ZSCAN31: variants seen among roughly 807,000 people sequenced by gnomAD.
ZSCAN31 encodes the protein zinc finger and SCAN domain-containing protein 31.
In ZSCAN31, 14 loss-of-function variants were observed where a neutral mutation model predicts 22.5. That is an observed-to-expected ratio of 0.62 (90% CI 0.41 to 0.97). The LOEUF is 0.97. ZSCAN31 is among the 50% of genes least tolerant of loss of function. ZSCAN31 has a pLI of 0.00. For synonymous variants in ZSCAN31, 168 were observed against 169.8 expected (o/e 0.99, Z 0.08); for missense variants, 424 against 483.4 (o/e 0.88, Z 1.15).
chr6:28,326,462 C>A lies in ZSCAN31; in HGVS notation c.925G>T (p.Gly309Cys). 1 of 1,613,722 alleles carries A rather than the reference C, an allele frequency of 6.2e-7. No individual in the cohort carries two copies. The change falls in exon 4 of 4, where the codon GGC (glycine) becomes TGC (cysteine). Residue 309 changes from glycine to cysteine, a missense_variant. Transcript: ENST00000344279. The part of the protein sequence containing the change: ...ECGKAFSASN[G>C]LTRHRRIHTG... ...TGGATTCTTCTGTGTCGAGTGAGGC[C>A]ATTGCTGGCACTGAAGGCTTTCCCA...
upstream of ZSCAN31, among the ~76,000 whole-genome samples, chr6:28,339,410 C>G (rs1378743979): frequency 6.6e-6 from 1 of 152,118 alleles, no homozygotes; most frequent in Non-Finnish European, 1.5e-5. Context: ...GATTCTCATA[C>G]CTCGAGTATC....
intron 2 of ZSCAN31, among the ~76,000 whole-genome samples, chr6:28,352,668 T>C (rs1189018331): frequency 6.6e-6 from 1 of 152,230 alleles, no homozygotes; most frequent in African/African-American, 2.4e-5. Flanking sequence ...ACCTGTACAC[T>C]GGTATTTGGA....
At chr6:28,329,176 A>C in intron 2 of ZSCAN31, 127 bp downstream of exon 2, 1 of 1,172,674 alleles carries the variant, frequency 8.5e-7, no homozygotes, top group East Asian at 2.4e-5. Flanking sequence ...TTGGCCATTA[A>C]GGTTTAGGGG....
upstream of ZSCAN31, chr6:28,336,486 T>G (rs576207206): frequency 5.3e-5 from 8 of 152,368 alleles, no homozygotes; most frequent in African/African-American, 1.7e-4. Context: ...GAGTTCCAGT[T>G]AGGAATCTGG....
At position 28,329,659 on chromosome 6, in the gene ZSCAN31, C is replaced by T. The variant is rs760495522; in HGVS notation, c.25G>A (p.Asp9Asn). ...TCCTCCACTTTCACAATCTTAAGAT[C>T]GTACTGTTCCTCTGTTGAAGCCATT... MASTEEQY[D>N]LKIVKVEEDP... Residue 9 changes from aspartate to asparagine, a missense_variant, in exon 2 of 4, where the codon GAT becomes AAT. Coordinates refer to ENST00000344279, the MANE Select transcript of ZSCAN31 (RefSeq NM_030899.5). 8.4e-5 allele frequency: 135 copies of T among 1,613,292 alleles called. No homozygotes were observed. The highest frequency in any genetic ancestry group is 1.7e-4 in the Middle Eastern group (1 of 5,994).
At chr6:28,346,808 T>C (rs1385934345) in intron 2 of ZSCAN31, among the ~76,000 whole-genome samples, 1 of 152,160 alleles carries the variant, frequency 6.6e-6, no homozygotes, top group African/African-American at 2.4e-5. Flanking sequence ...GAATGGATAG[T>C]AGAGGAGAGA....
rs1214617723 is a variant in ZSCAN31, at chr6:28,351,626, TCTC to T, written c.-371+2233_-371+2235del. On this transcript the variant is annotated intron_variant, in intron 2 of 7. Transcript: ENST00000396838. The surrounding 1 kb of genome is among the most constrained non-coding windows in gnomAD (Gnocchi z 4.6). The stretch of plus-strand genomic sequence containing the variant: ...TCCTTTCCACTCTCTTTCCTTCCCT[TCTC>T]CTCCTCCTTCCCTTTTGTCTCCCTC... 6.6e-6 allele frequency among the ~76,000 whole-genome samples: 1 copy of T among 151,776 alleles called. No individual in the cohort carries two copies. The highest frequency in any genetic ancestry group is 1.5e-5 in the Non-Finnish European group (1 of 67,956).
At chr6:28,327,867 T>C (rs2113789484) in intron 2 of ZSCAN31, among the ~76,000 whole-genome samples, 1 of 152,234 alleles carries the variant, frequency 6.6e-6, no homozygotes, top group Non-Finnish European at 1.5e-5. Flanking sequence ...TCAGAGAATC[T>C]GTCCTGATAT....
At chr6:28,328,337 C>G (rs1763464782) in intron 2 of ZSCAN31, among the ~76,000 whole-genome samples, 1 of 152,192 alleles carries the variant, frequency 6.6e-6, no homozygotes. Flanking sequence ...TATTTCACCC[C>G]AGCAGTCTCA....
intron 2 of ZSCAN31, among the ~76,000 whole-genome samples, chr6:28,344,769 C>T (rs1581699128): frequency 6.6e-6 from 1 of 151,934 alleles, no homozygotes; most frequent in African/African-American, 2.4e-5. Flanking sequence ...TTTGTGGCTA[C>T]AGGTAAAAAT....
At position 28,326,476 on chromosome 6, in the gene ZSCAN31, A is replaced by G. The variant is rs1292184592; in HGVS notation, c.911T>C (p.Phe304Ser). 4.3e-6 allele frequency: 7 copies of G among 1,613,988 alleles called. No homozygotes were observed. Among genetic ancestry groups the G allele is most frequent in the Non-Finnish European group, 5.9e-6 (7 of 1,179,976 alleles). Residue 304 changes from phenylalanine to serine, a missense_variant, in exon 4 of 4, where the codon TTC becomes TCC. By Grantham distance (155) the Phe-to-Ser change is radical. Coordinates refer to ENST00000344279, the MANE Select transcript of ZSCAN31 (RefSeq NM_030899.5). ...PYQCKECGKA[F>S]SASNGLTRHR... ...TCGAGTGAGGCCATTGCTGGCACTG[A>G]AGGCTTTCCCACACTCCTTACATTG...
At position 28,351,982 on chromosome 6, in the gene ZSCAN31, GT is replaced by G. The variant is rs200896456; in HGVS notation, c.-371+1879del. On this transcript the variant is annotated intron_variant, in intron 2 of 7. Transcript: ENST00000396838. This position sits in a 1 kb window ranked among gnomAD's most constrained non-coding sequence, Gnocchi z 4.6. Reference sequence around the variant, plus strand: ...AATAATTGTCTCAAATATTTCTAGAGTTTTTTTTTTTTACAGTCTTTTTACA... The same window carrying G: ...AATAATTGTCTCAAATATTTCTAGAGTTTTTTTTTTTACAGTCTTTTTACA... Among the ~76,000 whole-genome samples the G allele has an allele frequency of 3.6e-4, 52 of 145,648 alleles. No individual in the cohort carries two copies. The highest frequency in any genetic ancestry group is 4.4e-4 in the South Asian group (2 of 4,596).
Position 28,329,488 on chromosome 6 carries a change from G to A in ZSCAN31, c.196C>T (p.Gln66Ter). 6.2e-7 allele frequency: 1 copy of A among 1,614,156 alleles called. No individual in the cohort carries two copies. Among genetic ancestry groups the A allele is most frequent in the Non-Finnish European group, 8.5e-7 (1 of 1,180,032 alleles). Residue 66 changes from glutamine to a stop codon, truncating the protein, a stop_gained, in exon 2 of 4, where the codon CAG becomes TAG. Transcript: ENST00000344279. LOFTEE classifies it high-confidence loss of function. ...GTGTGGATTTCTGGCCTTAGCCACT[G>A]ATGACAGAGTTCTCGGAGCCGGCTC... Reference protein sequence around the residue: ...ALSRLRELCHQWLRPEIHTKE... With the variant: ...ALSRLRELCH
chr6:28,329,274 T>C, intron 2 of ZSCAN31, 29 bp downstream of exon 2: 3 of 1,534,702 alleles, frequency 2.0e-6, no homozygotes. Context: ...TAGTATTTAA[T>C]GTCTAGAAGT....
chr6:28,328,162 G>A (rs182822400), intron 2 of ZSCAN31, among the ~76,000 whole-genome samples: 1 of 152,302 alleles, frequency 6.6e-6, no homozygotes, highest in African/African-American at 2.4e-5. Flanking sequence ...AGGACCACAG[G>A]ACCAAGGCGA....
At chr6:28,340,252 A>G, upstream of ZSCAN31, among the ~76,000 whole-genome samples, 1 of 152,256 alleles carries the variant, frequency 6.6e-6, no homozygotes, top group East Asian at 1.9e-4. Flanking sequence ...ACATATAGAC[A>G]GAAACTTATG....
chr6:28,335,478 T>A (rs993682598), intron 1 of ZSCAN31: 2 of 152,284 alleles, frequency 1.3e-5, no homozygotes, highest in African/African-American at 4.8e-5. Context: ...TGGGTTCTGG[T>A]AGGTTCCGGC....
chr6:28,341,493 C>T (rs1208262937), intron 3 of ZSCAN31, among the ~76,000 whole-genome samples: 2 of 152,164 alleles, frequency 1.3e-5, no homozygotes, highest in Non-Finnish European at 2.9e-5. Flanking sequence ...ACTCTCATTA[C>T]CTAATCACTC....
chr6:28,339,848 C>A (rs1320790248), upstream of ZSCAN31, among the ~76,000 whole-genome samples: 1 of 151,936 alleles, frequency 6.6e-6, no homozygotes, highest in Non-Finnish European at 1.5e-5. Flanking sequence ...CTAAAATATC[C>A]ATTTTTTCCC....
Sources: gnomAD v4.1 joint callset for allele counts (sites outside exome capture counted in the v4.1 genomes callset) on GRCh38, gnomAD v4.1.1 for gene constraint, Gnocchi (gnomAD v3.1) non-coding constraint, MANE v1.5 for transcripts, NCBI Gene and HGNC (gene_info 2026-07-23, HGNC 2026-07-21) for gene names.